Variants in PXN observed in about 807,000 individuals in gnomAD.
PXN encodes the protein paxillin.
PXN carries 61 observed loss-of-function variants against 103.6 expected under a neutral mutation model. The ratio of observed to expected loss-of-function variants is 0.59; its 90% CI spans 0.48 to 0.73. PXN has a LOEUF of 0.73. Ranked by LOEUF, PXN falls within the 30% of genes least tolerant of loss-of-function variation. The pLI is 0.00. For missense variants in PXN, 1,274 were observed against 1,460.3 expected (o/e 0.87, Z 2.08); for synonymous variants, 562 against 607.8 (o/e 0.92, Z 1.11).
chr12:120,214,162 T>C lies in PXN; in HGVS notation c.2804A>G (p.Gln935Arg), dbSNP rs540608652. The part of the protein sequence containing the change: ...TWHPEHFFCA[Q>R]CGAFFGPEGF... ...TTCGGGACCAAAGAAGGCTCCACAC[T>C]GTGCACAGAAGAAGTGTTCAGGGTG... Residue 935 changes from glutamine (Q) to arginine (R), a missense_variant, in exon 13 of 15, where the codon CAG becomes CGG. Transcript: ENST00000637617. The surrounding 1 kb of genome is among the most constrained non-coding windows in gnomAD (Gnocchi z 5.0). 9 of 1,552,396 alleles carry C rather than the reference T, an allele frequency of 5.8e-6. No individual in the cohort carries two copies. Among genetic ancestry groups the C allele is most frequent in the African/African-American group, 4.1e-5 (3 of 73,162 alleles).
chr12:120,247,153 A>G (rs1485444398), intron 1 of PXN, among the ~76,000 whole-genome samples: 1 of 152,252 alleles, frequency 6.6e-6, no homozygotes, highest in Non-Finnish European at 1.5e-5. Context: ...TTTAAAATCT[A>G]AAAGGTTTAT....
In PXN at chr12:120,231,934, G is replaced by A. The variant is rs1398874749; in HGVS notation, c.14-7557C>T. Among the ~76,000 whole-genome samples, 8 of 152,250 alleles carry A rather than the reference G, an allele frequency of 5.3e-5. No individual in the cohort carries two copies. In the East Asian group the frequency reaches 1.5e-3, roughly 29 times the overall value. On this transcript the variant is annotated intron_variant, in intron 1 of 14. Transcript: ENST00000637617. ...GCTTAAGCAACAGCAGGTGAGACAA[G>A]GCTGCCCAGGTTGACTCTGAGCACT...
intron 1 of PXN, among the ~76,000 whole-genome samples, chr12:120,245,787 CAAAA>C (rs1267541953): frequency 2.2e-5 from 1 of 45,168 alleles, no homozygotes; most frequent in African/African-American, 8.4e-5. Context: ...GACTCCATCT[CAAAA>C]AAAAAAAAAA....
chr12:120,241,429 C>A (rs888781158), intron 1 of PXN, among the ~76,000 whole-genome samples: 3 of 152,250 alleles, frequency 2.0e-5, no homozygotes, highest in Non-Finnish European at 4.4e-5. Flanking sequence ...ACCTGTCTCA[C>A]GTGCCTCCTC....
intron 1 of PXN, among the ~76,000 whole-genome samples, chr12:120,234,104 AAG>A (rs34822325): frequency 0.42 from 63,619 of 151,906 alleles, 14,564 homozygotes; most frequent in South Asian, 0.61. Flanking sequence ...GTAAGATAAA[AAG>A]AGAGGCTTCA....
Position 120,213,898 on chromosome 12 carries a change from C to T in PXN, c.2923G>A (p.Glu975Lys). 1 of 1,611,136 alleles carries T rather than the reference C, an allele frequency of 6.2e-7. No homozygotes were observed. ...KCGGCARAIL[E>K]NYISALNTLW... Reference sequence around the variant, plus strand: ...GTGTTGAGGGCTGAGATATAGTTCTCCAGGATGGCCCGGGCGCAGCCGCCA... The same window carrying T: ...GTGTTGAGGGCTGAGATATAGTTCTTCAGGATGGCCCGGGCGCAGCCGCCA... Residue 975 changes from glutamate (E) to lysine (K), a missense_variant, in exon 14 of 15, where the codon GAG becomes AAG. This residue lies in a region of PXN where 96 missense variants were observed against 151.3 expected (regional missense o/e 0.63). Transcript: ENST00000637617. This position sits in a 1 kb window ranked among gnomAD's most constrained non-coding sequence, Gnocchi z 4.2.
At chr12:120,241,395 G>A (rs1348850642) in intron 1 of PXN, among the ~76,000 whole-genome samples, 1 of 152,160 alleles carries the variant, frequency 6.6e-6, no homozygotes, top group African/African-American at 2.4e-5. Context: ...GCCTCGCTTG[G>A]GTATCCAAGG....
chr12:120,235,111 C>G (rs1258597519), intron 1 of PXN, among the ~76,000 whole-genome samples: 5 of 152,152 alleles, frequency 3.3e-5, no homozygotes, highest in Non-Finnish European at 7.4e-5. Flanking sequence ...GCCTCCACCC[C>G]CACCCCATCC....
rs1442300133 is a variant in PXN, at chr12:120,229,172, C to T, written c.14-4795G>A. On this transcript the variant is annotated intron_variant, in intron 1 of 14. Coordinates refer to ENST00000637617, the MANE Select transcript of PXN (RefSeq NM_001385981.1). This position sits in a 1 kb window ranked among gnomAD's most constrained non-coding sequence, Gnocchi z 4.0. ...TGTACCTACAATGGGGGGATGTCCC[C>T]CAGACTGTGGCTCTGGGGACCCCGG... is the stretch of plus-strand genomic sequence containing the variant. Among the ~76,000 whole-genome samples, 2 of 152,108 alleles carry T rather than the reference C, an allele frequency of 1.3e-5. No individual in the cohort carries two copies. Among genetic ancestry groups the T allele is most frequent in the Non-Finnish European group, 2.9e-5 (2 of 67,998 alleles).
At chr12:120,230,338 C>G (rs532394517) in intron 1 of PXN, among the ~76,000 whole-genome samples, 1 of 152,310 alleles carries the variant, frequency 6.6e-6, no homozygotes, top group African/African-American at 2.4e-5. Flanking sequence ...TCTGGGGATG[C>G]CCAGCCTCAT....
In PXN at chr12:120,215,327, T is replaced by A. The variant is rs746130246; in HGVS notation, c.2404-54A>T. The A allele has an allele frequency of 5.8e-6, 9 of 1,542,252 alleles. No homozygotes were observed. Among genetic ancestry groups the A allele is most frequent in the Non-Finnish European group, 7.8e-6 (9 of 1,148,074 alleles). ...CTCCTGAGGCTCGGGGTACGGTGTC[T>A]GGCAGCACAGGGATGGGGGTACTTT... On this transcript the variant is annotated intron_variant, in intron 10 of 14. Coordinates refer to ENST00000637617, the MANE Select transcript of PXN (RefSeq NM_001385981.1). The surrounding 1 kb of genome is among the most constrained non-coding windows in gnomAD (Gnocchi z 4.9).
At position 120,214,108 on chromosome 12, in the gene PXN, T is replaced by C. The variant is rs898910607; in HGVS notation, c.2830+28A>G. ...CCTCCCCGGCCCTCCTAAGAGGCGG[T>C]GGGTCAGTCCGCCGGTCCAGCCCGT... On this transcript the variant is annotated intron_variant, in intron 13 of 14. Transcript: ENST00000637617. The surrounding 1 kb of genome is among the most constrained non-coding windows in gnomAD (Gnocchi z 5.0). 4 of 1,555,060 alleles carry C rather than the reference T, an allele frequency of 2.6e-6. No homozygotes were observed. The Admixed American group carries it at 5.8e-5, about 23-fold the overall frequency.
chr12:120,223,722 A>C lies in PXN; in HGVS notation c.352T>G (p.Tyr118Asp). The C allele has an allele frequency of 6.3e-7, 1 of 1,583,482 alleles. No homozygotes were observed. Among genetic ancestry groups the C allele is most frequent in the Non-Finnish European group, 8.6e-7 (1 of 1,162,932 alleles). Residue 118 changes from tyrosine (Y) to aspartate (D), a missense_variant, in exon 3 of 15, where the codon TAC becomes GAC. Transcript: ENST00000637617. The part of the protein sequence containing the change: ...CSRVGEEEHV[Y>D]SFPNKQKSAE... ...CTGGGCAGACTGGGGCAGTACCTGT[A>C]GACGTGCTCCTCCTCACCCACTCGG... is the stretch of plus-strand genomic sequence containing the variant.
Position 120,265,471 on chromosome 12 carries a change from C to T in PXN, c.13+146G>A. On this transcript the variant is annotated intron_variant, in intron 1 of 14. Coordinates refer to ENST00000637617, the MANE Select transcript of PXN (RefSeq NM_001385981.1). The surrounding 1 kb of genome is among the most constrained non-coding windows in gnomAD (Gnocchi z 5.7). Reference sequence around the variant, plus strand: ...TAAGGCCCGGTTAGGGATCCCAGCCCCGCGGAGCCCCGGCCGGCAGGGACA... The same window carrying T: ...TAAGGCCCGGTTAGGGATCCCAGCCTCGCGGAGCCCCGGCCGGCAGGGACA... 1 of 956,814 alleles carries T rather than the reference C, an allele frequency of 1.0e-6. No homozygotes were observed. Among genetic ancestry groups the T allele is most frequent in the Non-Finnish European group, 1.4e-6 (1 of 706,858 alleles). The allele number at this position is 956,814 out of a possible 1,614,324, so 59.3% of individuals were successfully genotyped here. A position where few individuals can be genotyped will look rare whatever the true frequency, so the allele number is the denominator to read the frequency against.
chr12:120,231,518 A>G (rs1888046289), intron 1 of PXN, among the ~76,000 whole-genome samples: 1 of 152,144 alleles, frequency 6.6e-6, no homozygotes, highest in East Asian at 1.9e-4. Context: ...GACACACAGG[A>G]AGCCAGGGGA....
chr12:120,239,312 G>T (rs557536962), intron 1 of PXN, among the ~76,000 whole-genome samples: 1 of 152,326 alleles, frequency 6.6e-6, no homozygotes, highest in East Asian at 1.9e-4. Context: ...GGCCAGGCGG[G>T]GTGGCTCACG....
At chr12:120,250,032 G>C in intron 1 of PXN, 1 of 985,620 alleles carries the variant, frequency 1.0e-6, no homozygotes. Context: ...AGTGACTGCA[G>C]TGTTCCAGGC....
intron 1 of PXN, among the ~76,000 whole-genome samples, chr12:120,238,893 T>C (rs938091334): frequency 6.6e-6 from 1 of 152,194 alleles, no homozygotes; most frequent in Non-Finnish European, 1.5e-5. Context: ...ACAGCTGTCC[T>C]TGGACGCTCC....
Position 120,219,569 on chromosome 12 carries a change from AG to A in PXN, c.1353del (p.Ser452LeufsTer10), listed in dbSNP as rs548850827. The A allele has an allele frequency of 1.0e-4, 162 of 1,573,906 alleles. 2 individuals are homozygous for A. In the South Asian group the frequency reaches 1.7e-3, roughly 17 times the overall value. ...TCTTGGAAGCTTCGAGCAGCTCCAG[AG>A]GGGGGCATTCTCTCAGGCCCGAATA... is the stretch of plus-strand genomic sequence containing the variant. ...SEVFGPERMP[P>X]SGAARSFQEV... On this transcript the variant is annotated frameshift_variant, in exon 7 of 15. Transcript: ENST00000637617. LOFTEE classifies it high-confidence loss of function. The surrounding 1 kb of genome is among the most constrained non-coding windows in gnomAD (Gnocchi z 6.5).
Sources: gnomAD v4.1 joint callset for allele counts (sites outside exome capture counted in the v4.1 genomes callset) on GRCh38, gnomAD v4.1.1 for gene constraint, gnomAD v4.1.1 regional missense constraint, Gnocchi (gnomAD v3.1) non-coding constraint, MANE v1.5 for transcripts, NCBI Gene and HGNC (gene_info 2026-07-23, HGNC 2026-07-21) for gene names.